DHX33: variants seen among roughly 807,000 people sequenced by gnomAD.
The protein encoded by DHX33 is ATP-dependent RNA helicase DHX33.
Under a neutral mutation model 72.5 loss-of-function variants are expected in DHX33, and 42 were observed. The observed-to-expected ratio is 0.58, with a 90% CI of 0.45 to 0.75. The LOEUF (loss-of-function observed/expected upper bound fraction) is 0.75. Among genes scored for constraint, DHX33 ranks in the 30% least tolerant of loss-of-function variants. DHX33 has a pLI of 0.00. For missense variants in DHX33, 842 were observed against 917.5 expected, an observed-to-expected ratio of 0.92 and a Z score of 1.06; for synonymous variants, 358 against 366.1, an observed-to-expected ratio of 0.98 and a Z score of 0.25.
chr17:5,463,142 G>A (rs1327963333), intron 2 of DHX33, among the ~76,000 whole-genome samples: 1 of 151,930 alleles, frequency 6.6e-6, no homozygotes, highest in African/African-American at 2.4e-5. Context: ...GTATTTTTAA[G>A]TGAAATGAGT....
rs1027481038 is a variant in DHX33 at position 5,442,263 on chromosome 17, T to A, written c.*1942A>T. The stretch of plus-strand genomic sequence containing the variant: ...GGCCACCCCCCAATTTTTTTTTTTT[T>A]TTTTTTTTTTTTACCAGCACTATGA... On this transcript the variant is annotated 3_prime_UTR_variant, in exon 12 of 12. Coordinates refer to ENST00000225296, the MANE Select transcript of DHX33 (RefSeq NM_020162.4). 6 of 150,784 alleles carry A rather than the reference T, an allele frequency of 4.0e-5. No individual in the cohort carries two copies. Among genetic ancestry groups the A allele is most frequent in the African/African-American group, 1.5e-4 (6 of 41,114 alleles). The allele number at this position is 150,784 out of a possible 1,614,324, so 9.3% of individuals were successfully genotyped here. A position where few individuals can be genotyped will look rare whatever the true frequency, so the allele number is the denominator to read the frequency against.
chr17:5,450,477 T>A, intron 9 of DHX33, 71 bp from the exon 10 acceptor site: 1 of 1,521,800 alleles, frequency 6.6e-7, no homozygotes, highest in Non-Finnish European at 9.0e-7. Context: ...TTTCTGTACA[T>A]TGCTTTTGCA....
rs777710249 is a variant in DHX33, at chr17:5,455,264, C to T, written c.1043G>A (p.Arg348His). 8.1e-6 allele frequency: 13 copies of T among 1,613,822 alleles called. No individual in the cohort carries two copies. The highest frequency in any genetic ancestry group is 5.1e-6 in the Non-Finnish European group (6 of 1,179,902). ...GATGTTGGTTGAAATGATCACTTTG[C>T]GATAGCCCTAAAAGGAGGAAGAAAA... Reference protein sequence around the residue: ...RVFQGAPKGYRKVIISTNIAE... With the variant: ...RVFQGAPKGYHKVIISTNIAE... The change falls in exon 6 of 12, where the codon CGC becomes CAC. Residue 348 changes from arginine to histidine, a missense_variant. Coordinates refer to ENST00000225296, the MANE Select transcript of DHX33 (RefSeq NM_020162.4).
In DHX33 at chr17:5,442,961, C is replaced by T. The variant is rs929654086; in HGVS notation, c.*1244G>A. 1 of 152,054 alleles carries T rather than the reference C, an allele frequency of 6.6e-6. No individual in the cohort carries two copies. The highest frequency in any genetic ancestry group is 1.9e-4 in the East Asian group (1 of 5,196). The allele number at this position is 152,054 out of a possible 1,614,324, so 9.4% of individuals were successfully genotyped here. A position where few individuals can be genotyped will look rare whatever the true frequency, so the allele number is the denominator to read the frequency against. ...TGACAATGAGGGTTAGAGAGAGGTGCCTAGCAGTTAGAAAGCAGCAAAGCC... is the reference window on the plus strand; with the variant it reads ...TGACAATGAGGGTTAGAGAGAGGTGTCTAGCAGTTAGAAAGCAGCAAAGCC... On this transcript the variant is annotated 3_prime_UTR_variant, in exon 12 of 12. Coordinates refer to ENST00000225296, the MANE Select transcript of DHX33 (RefSeq NM_020162.4).
At chr17:5,463,777 T>TTGGGAGGCCGAGG in intron 1 of DHX33, 88 bp from the exon 2 acceptor site, 1 of 1,337,616 alleles carries the variant, frequency 7.5e-7, no homozygotes, top group East Asian at 2.6e-5. Flanking sequence ...TCTCAGCACT[T>TTGGGAGGCCGAGG]TGGGAGGCCG....
At chr17:5,458,671 C>A (rs1006504094) in intron 4 of DHX33, among the ~76,000 whole-genome samples, 3 of 152,038 alleles carry the variant, frequency 2.0e-5, no homozygotes, top group African/African-American at 7.2e-5. Context: ...ACTTTTGTCA[C>A]CATGGTAAGA....
chr17:5,446,765 G>A (rs1369553327), intron 11 of DHX33, among the ~76,000 whole-genome samples: 1 of 152,152 alleles, frequency 6.6e-6, no homozygotes, highest in African/African-American at 2.4e-5. Context: ...AGGTATCCCT[G>A]GCCACTACAG....
intron 10 of DHX33, among the ~76,000 whole-genome samples, chr17:5,449,593 C>T (rs1359891798): frequency 3.3e-5 from 5 of 152,280 alleles, no homozygotes; most frequent in Admixed American, 6.5e-5. Context: ...TGCACAACCA[C>T]GCCCGGCTAA....
Position 5,455,997 on chromosome 17 carries a change from C to T in DHX33, c.1035G>A (p.Lys345=). 1 of 1,611,628 alleles carries T rather than the reference C, an allele frequency of 6.2e-7. No individual in the cohort carries two copies. The highest frequency in any genetic ancestry group is 8.5e-7 in the Non-Finnish European group (1 of 1,179,618). Residue 345 remains lysine, a splice_region_variant and synonymous_variant, in exon 5 of 12, where the codon AAG becomes AAA. Transcript: ENST00000225296. ...QQLRVFQGAP[K]GYRKVIISTN... The stretch of plus-strand genomic sequence containing the variant: ...TGGACAGAAGAGGTGGTGCACTCAC[C>T]TTTGGGGCCCCTTGGAAGACTCGGA...
intron 1 of DHX33, among the ~76,000 whole-genome samples, chr17:5,468,027 A>C (rs1356549984): frequency 6.6e-6 from 1 of 152,086 alleles, no homozygotes; most frequent in Non-Finnish European, 1.5e-5. Flanking sequence ...GACTAGCAGC[A>C]CTCATGGGTC....
chr17:5,460,658 C>T (rs1396099785), intron 4 of DHX33, among the ~76,000 whole-genome samples: 1 of 152,106 alleles, frequency 6.6e-6, no homozygotes, highest in Non-Finnish European at 1.5e-5. Context: ...AGGCACCCGC[C>T]ATCATGCCTG....
intron 1 of DHX33, among the ~76,000 whole-genome samples, chr17:5,465,418 C>CTCCTGTTT (rs1904837045): frequency 6.6e-6 from 1 of 152,216 alleles, no homozygotes; most frequent in Admixed American, 6.5e-5. Context: ...TGCTCCTATA[C>CTCCTGTTT]CAGGGCAACA....
intron 4 of DHX33, among the ~76,000 whole-genome samples, chr17:5,460,503 GTTTT>G (rs934730522): frequency 6.9e-6 from 1 of 144,810 alleles, no homozygotes; most frequent in Non-Finnish European, 1.5e-5. Context: ...CTTATTCATT[GTTTT>G]TTTTTTGTTT....
At chr17:5,462,882 A>G (rs1235269112) in intron 2 of DHX33, among the ~76,000 whole-genome samples, 1 of 152,160 alleles carries the variant, frequency 6.6e-6, no homozygotes, top group Non-Finnish European at 1.5e-5. Context: ...GTTTGAGACC[A>G]GCCTGACCAA....
Position 5,461,097 on chromosome 17 carries a change from A to C in DHX33, c.691T>G (p.Ser231Ala). The change falls in exon 4 of 12, where the codon TCA (serine) becomes GCA (alanine). Residue 231 changes from serine (S) to alanine (A), a missense_variant. Transcript: ENST00000225296. Reference protein sequence around the residue: ...GKLPLKVIVMSATMDVDLFSQ... With the variant: ...GKLPLKVIVMAATMDVDLFSQ... ...AACAGGTCCACATCCATCGTAGCTG[A>C]CATCACAATCACCTGCATAAGAGAA... The C allele has an allele frequency of 6.2e-7, 1 of 1,608,774 alleles. No homozygotes were observed. The highest frequency in any genetic ancestry group is 8.5e-7 in the Non-Finnish European group (1 of 1,176,230).
chr17:5,455,242 G>T lies in DHX33; in HGVS notation c.1065C>A (p.Asn355Lys). The T allele has an allele frequency of 6.2e-7, 1 of 1,614,178 alleles. No homozygotes were observed. Among genetic ancestry groups the T allele is most frequent in the Non-Finnish European group, 8.5e-7 (1 of 1,180,028 alleles). Reference protein sequence around the residue: ...KGYRKVIISTNIAETSITITG... With the variant: ...KGYRKVIISTKIAETSITITG... ...TAATGGTTATGGAGGTTTCAGCGAT[G>T]TTGGTTGAAATGATCACTTTGCGAT... The change falls in exon 6 of 12, where the codon AAC becomes AAA. Residue 355 changes from asparagine to lysine, a missense_variant. By Grantham distance (94) the Asn-to-Lys change is moderately conservative. Transcript: ENST00000225296.
At chr17:5,462,610 T>C (rs1904692767) in intron 2 of DHX33, 64 bp from the exon 3 acceptor site, 1 of 1,262,148 alleles carries the variant, frequency 7.9e-7, no homozygotes. Context: ...TGTCCGGCAC[T>C]AAGTTGGGCA....
Position 5,443,788 on chromosome 17 carries a change from A to T in DHX33, c.*417T>A, listed in dbSNP as rs1349825618. 6.0e-6 allele frequency: 1 copy of T among 165,684 alleles called. No homozygotes were observed. Among genetic ancestry groups the T allele is most frequent in the Non-Finnish European group, 1.3e-5 (1 of 76,644 alleles). 10.3% of individuals were successfully genotyped at this position (165,684 alleles called of 1,614,324 possible). A position where few individuals can be genotyped will look rare whatever the true frequency, so the allele number is the denominator to read the frequency against. On this transcript the variant is annotated 3_prime_UTR_variant, in exon 12 of 12. Transcript: ENST00000225296. The stretch of plus-strand genomic sequence containing the variant: ...CTGTACTTCACATCATATGGCAAGC[A>T]GTAACATTCAGCCTAACGGCTCCCA...
At chr17:5,455,300 G>T (rs778015587) in intron 5 of DHX33, 29 bp from the exon 6 acceptor site, 111 of 1,566,750 alleles carry the variant, frequency 7.1e-5, no homozygotes, top group Non-Finnish European at 9.5e-5. Flanking sequence ...CCAAAAAGCC[G>T]CATTGACACA....
Sources: gnomAD v4.1 joint callset for allele counts (sites outside exome capture counted in the v4.1 genomes callset) on GRCh38, gnomAD v4.1.1 for gene constraint, MANE v1.5 for transcripts, NCBI Gene and HGNC (gene_info 2026-07-23, HGNC 2026-07-21) for gene names.